TENM4: variants seen among roughly 807,000 people sequenced by gnomAD.
TENM4 encodes the protein teneurin transmembrane protein 4.
Under a neutral mutation model 243.3 loss-of-function variants are expected in TENM4, and 82 were observed. The observed-to-expected ratio is 0.34, with a 90% CI of 0.28 to 0.40. The LOEUF is 0.40. Among genes scored for constraint, TENM4 ranks in the 10% least tolerant of loss-of-function variants. The pLI, the probability that TENM4 is intolerant of heterozygous loss-of-function variation, is 1.00. For missense variants in TENM4, 3,138 were observed against 3,673.3 expected, an observed-to-expected ratio of 0.85 and a Z score of 3.77; for synonymous variants, 1,412 against 1,456.3, an observed-to-expected ratio of 0.97 and a Z score of 0.69.
chr11:78,756,768 A>G (rs1164699416), intron 19 of TENM4, 37 bp downstream of exon 19: 1 of 1,577,536 alleles, frequency 6.3e-7, no homozygotes, highest in African/African-American at 1.3e-5. Context: ...GTTCTCCCTC[A>G]GAGAGCCCTG....
intron 32 of TENM4, among the ~76,000 whole-genome samples, chr11:78,661,796 T>C (rs910708218): frequency 6.6e-6 from 1 of 152,108 alleles, no homozygotes; most frequent in Non-Finnish European, 1.5e-5. Context: ...CCCAAGTATA[T>C]ACCCAAGAGT....
intron 15 of TENM4, among the ~76,000 whole-genome samples, chr11:78,803,810 C>G (rs745994433): frequency 6.6e-6 from 1 of 152,202 alleles, no homozygotes; most frequent in Non-Finnish European, 1.5e-5. Flanking sequence ...CAATGCAAGC[C>G]AGCGTAGCTT....
intron 14 of TENM4, among the ~76,000 whole-genome samples, chr11:78,810,911 A>G (rs503491): frequency 0.79 from 120,917 of 152,160 alleles, 48,733 homozygotes; most frequent in Non-Finnish European, 0.86. Context: ...AATGACAGGC[A>G]CACAGCATCA....
intron 12 of TENM4, among the ~76,000 whole-genome samples, chr11:78,851,702 T>C (rs569810204): frequency 2.0e-5 from 3 of 152,084 alleles, no homozygotes; most frequent in East Asian, 1.9e-4. Context: ...CGTCATCCTA[T>C]CCGGAGAGAA....
At chr11:78,947,627 C>T (rs1857028088) in intron 6 of TENM4, among the ~76,000 whole-genome samples, 1 of 152,244 alleles carries the variant, frequency 6.6e-6, no homozygotes, top group Admixed American at 6.5e-5. Context: ...GGGGGCAAGG[C>T]TGACCCAACT....
chr11:79,411,788 G>C (rs1858706511), intron 1 of TENM4, among the ~76,000 whole-genome samples: 1 of 152,208 alleles, frequency 6.6e-6, no homozygotes, highest in African/African-American at 2.4e-5. Context: ...CCTTAACAGA[G>C]TGGATGGGAT....
chr11:79,215,158 C>T (rs1163335128), intron 3 of TENM4, among the ~76,000 whole-genome samples: 2 of 152,196 alleles, frequency 1.3e-5, no homozygotes, highest in African/African-American at 4.8e-5. Context: ...TACAATTTCA[C>T]TCCTCTCTGT....
chr11:79,146,824 C>G (rs1439492312), intron 4 of TENM4, among the ~76,000 whole-genome samples: 1 of 152,048 alleles, frequency 6.6e-6, no homozygotes, highest in Non-Finnish European at 1.5e-5. Context: ...AATAATGTGA[C>G]CAAGGCCACA....
At chr11:78,928,029 G>A (rs1164024436) in intron 6 of TENM4, among the ~76,000 whole-genome samples, 1 of 152,046 alleles carries the variant, frequency 6.6e-6, no homozygotes, top group Non-Finnish European at 1.5e-5. Flanking sequence ...TCTCCCTACT[G>A]CCTACTGGTT....
chr11:78,857,730 T>C (rs138599575), intron 10 of TENM4, among the ~76,000 whole-genome samples: 58 of 152,340 alleles, frequency 3.8e-4, no homozygotes, highest in African/African-American at 1.3e-3. Context: ...ACATCAAATA[T>C]AGATACAAAA....
intron 27 of TENM4, among the ~76,000 whole-genome samples, chr11:78,702,790 G>A (rs752021963): frequency 2.0e-5 from 3 of 152,174 alleles, no homozygotes; most frequent in Non-Finnish European, 4.4e-5. Flanking sequence ...AATGACAAGA[G>A]CACAGAGTCC....
chr11:78,876,501 T>C (rs1859271974), intron 9 of TENM4, among the ~76,000 whole-genome samples: 1 of 152,258 alleles, frequency 6.6e-6, no homozygotes, highest in Non-Finnish European at 1.5e-5. Flanking sequence ...AGAAAGCCAT[T>C]CCGATCTTCT....
chr11:78,860,532 G>T (rs977866756), intron 10 of TENM4, among the ~76,000 whole-genome samples: 1 of 152,238 alleles, frequency 6.6e-6, no homozygotes, highest in African/African-American at 2.4e-5. Context: ...GAAGGGATGA[G>T]AAATATGTGC....
In TENM4 at chr11:78,711,166, T is replaced by C. The variant is rs547615675; in HGVS notation, c.4054+1316A>G. On this transcript the variant is annotated intron_variant, in intron 26 of 33. Coordinates refer to ENST00000278550, the MANE Select transcript of TENM4 (RefSeq NM_001098816.3). ...ATCATAATTAGGCGGGATTAGCCTT[T>C]GTTGATACAATATTTACCCCACACA... Among the ~76,000 whole-genome samples the C allele has an allele frequency of 2.6e-4, 40 of 152,342 alleles. No homozygotes were observed. In the South Asian group the frequency reaches 7.9e-3, roughly 30 times the overall value.
chr11:79,128,678 A>G lies in TENM4; in HGVS notation c.-66+20032T>C, dbSNP rs150840817. ...CAGCACTACAGCCCCTTTTGAAAGG[A>G]TATCTCTGAAGGACAGCAGTGAAGG... On this transcript the variant is annotated intron_variant, in intron 4 of 33. Coordinates refer to ENST00000278550, the MANE Select transcript of TENM4 (RefSeq NM_001098816.3). 3.4e-3 allele frequency among the ~76,000 whole-genome samples: 512 copies of G among 152,328 alleles called. 3 individuals are homozygous for G. The highest frequency in any genetic ancestry group is 0.011 in the African/African-American group (478 of 41,578).
chr11:79,188,641 G>T (rs1863419477), intron 3 of TENM4, among the ~76,000 whole-genome samples: 1 of 151,490 alleles, frequency 6.6e-6, no homozygotes, highest in South Asian at 2.1e-4. Flanking sequence ...AAAGGAGAAG[G>T]GGAGCAAGCA....
chr11:79,357,267 C>T (rs1235834363), intron 1 of TENM4, among the ~76,000 whole-genome samples: 2 of 152,226 alleles, frequency 1.3e-5, no homozygotes, highest in Non-Finnish European at 2.9e-5. Context: ...CAATGCTACA[C>T]ATTCTTTTAG....
intron 4 of TENM4, among the ~76,000 whole-genome samples, chr11:79,071,168 C>G (rs73504699): frequency 0.025 from 3,788 of 152,292 alleles, 83 homozygotes; most frequent in African/African-American, 0.055. Flanking sequence ...CAAACACAAC[C>G]ATACAGGGCC....
Position 78,676,169 on chromosome 11 carries a change from A to T in TENM4, c.5479T>A (p.Phe1827Ile). 1 of 1,527,302 alleles carries T rather than the reference A, an allele frequency of 6.5e-7. No individual in the cohort carries two copies. Among genetic ancestry groups the T allele is most frequent in the Non-Finnish European group, 8.9e-7 (1 of 1,126,804 alleles). The allele number at this position is 1,527,302 out of a possible 1,614,324, so 94.6% of individuals were successfully genotyped here. A position where few individuals can be genotyped will look rare whatever the true frequency, so the allele number is the denominator to read the frequency against. The change falls in exon 30 of 34, where the codon TTT (phenylalanine) becomes ATT (isoleucine). Residue 1827 changes from phenylalanine to isoleucine, a missense_variant. Around this residue, in one of 2 missense-constraint regions of TENM4, gnomAD observed 2,467 missense variants for 3,059.1 expected, o/e 0.81. Transcript: ENST00000278550. The part of the protein sequence containing the change: ...KEQARGQVTV[F>I]GRRLRVHNRN... ...TCGCTCACCCGCAGCCGGCGCCCAAAGACAGTGACCTGGCCCCGAGCCTGC... is the reference window on the plus strand; with the variant it reads ...TCGCTCACCCGCAGCCGGCGCCCAATGACAGTGACCTGGCCCCGAGCCTGC...
Sources: allele counts gnomAD v4.1 joint callset (sites outside exome capture counted in the v4.1 genomes callset), GRCh38; gene constraint gnomAD v4.1.1; regional missense constraint gnomAD v4.1.1; transcripts MANE v1.5; gene names NCBI Gene and HGNC (gene_info 2026-07-23, HGNC 2026-07-21).